The following TIGAR variants were observed in gnomAD, a reference collection of about 807,000 sequenced individuals.
TIGAR encodes the protein TP53 induced glycolysis regulatory phosphatase.
Under a neutral mutation model 17.9 loss-of-function variants are expected in TIGAR, and 7 were observed. That is an observed-to-expected ratio of 0.39 (90% CI 0.22 to 0.73). The LOEUF is 0.73. Ranked by LOEUF, TIGAR falls within the 30% of genes least tolerant of loss-of-function variation. The pLI, the probability that TIGAR is intolerant of heterozygous loss-of-function variation, is 0.42. For missense variants in TIGAR, 258 were observed against 327.4 expected (o/e 0.79, Z 1.64); for synonymous variants, 94 against 108.6 (o/e 0.87, Z 0.84).
At chr12:4,352,214 AG>A in intron 5 of TIGAR, 45 bp from the exon 6 acceptor site, 1 of 1,523,688 alleles carries the variant, frequency 6.6e-7, no homozygotes, top group South Asian at 1.2e-5. Context: ...GTTTTAAGGA[AG>A]TCATTAATGT....
At chr12:4,331,727 T>A (rs1565446583) in intron 2 of TIGAR, among the ~76,000 whole-genome samples, 1 of 152,184 alleles carries the variant, frequency 6.6e-6, no homozygotes. Context: ...AATAAAGGTT[T>A]AAAAAAAGAA....
chr12:4,324,591 C>T (rs763874137), intron 1 of TIGAR: 97 of 1,596,090 alleles, frequency 6.1e-5, no homozygotes, highest in Non-Finnish European at 7.6e-5. Flanking sequence ...TCACCACTTC[C>T]GGCTTCTCCA....
rs150458428 is a variant in TIGAR at position 4,357,524 on chromosome 12, C to A, written c.*4833C>A. 2.0e-3 allele frequency among the ~76,000 whole-genome samples: 309 copies of A among 152,242 alleles called. 2 individuals are homozygous for A. The highest frequency in any genetic ancestry group is 6.6e-3 in the African/African-American group (274 of 41,546). ...TGCTTTTTACCCCTCTTTCTTTGGG[C>A]CCCATCAATTTGGAAGTACAGCTTT... is the stretch of plus-strand genomic sequence containing the variant. On this transcript the variant is annotated 3_prime_UTR_variant, in exon 6 of 6. Transcript: ENST00000179259.
At position 4,352,986 on chromosome 12, in the gene TIGAR, T is replaced by G. The variant is rs570956808; in HGVS notation, c.*295T>G. On this transcript the variant is annotated 3_prime_UTR_variant, in exon 6 of 6. Transcript: ENST00000179259. Reference sequence around the variant, plus strand: ...ATTGAAAGTTGGGGGATTAGTAACCTTGTTACAACGGTTTCTTTTTCATTT... The same window carrying G: ...ATTGAAAGTTGGGGGATTAGTAACCGTGTTACAACGGTTTCTTTTTCATTT... 29 of 337,406 alleles carry G rather than the reference T, an allele frequency of 8.6e-5. No homozygotes were observed. The South Asian group carries it at 2.1e-3, about 24-fold the overall frequency. 20.9% of individuals were successfully genotyped at this position (337,406 alleles called of 1,614,324 possible). A position where few individuals can be genotyped will look rare whatever the true frequency, so the allele number is the denominator to read the frequency against.
chr12:4,345,736 A>G (rs1864771974), intron 3 of TIGAR, among the ~76,000 whole-genome samples: 1 of 152,246 alleles, frequency 6.6e-6, no homozygotes, highest in African/African-American at 2.4e-5. Context: ...AAGCAATGGC[A>G]ACAAAAGCCA....
Position 4,358,338 on chromosome 12 carries a change from A to T in TIGAR, c.*5647A>T, listed in dbSNP as rs1378223436. Among the ~76,000 whole-genome samples the T allele has an allele frequency of 2.6e-5, 4 of 151,938 alleles. No individual in the cohort carries two copies. The highest frequency in any genetic ancestry group is 4.4e-5 in the Non-Finnish European group (3 of 67,962). On this transcript the variant is annotated 3_prime_UTR_variant, in exon 6 of 6. Transcript: ENST00000179259. ...AATCACTGAGCTACTGTATCCTCATAGAGAATAATTACAGTAATGTGTATG... is the reference window on the plus strand; with the variant it reads ...AATCACTGAGCTACTGTATCCTCATTGAGAATAATTACAGTAATGTGTATG...
Position 4,352,156 on chromosome 12 carries a change from G to A in TIGAR, c.382-104G>A, listed in dbSNP as rs1864843383. 5 of 867,468 alleles carry A rather than the reference G, an allele frequency of 5.8e-6. No individual in the cohort carries two copies. The East Asian group carries it at 1.0e-4, about 18-fold the overall frequency. 53.7% of individuals were successfully genotyped at this position (867,468 alleles called of 1,614,324 possible). On this transcript the variant is annotated intron_variant, in intron 5 of 5. Transcript: ENST00000179259. ...ATATTCTTCTGCTTGTGTAGTACTT[G>A]GCATTCAATATTAGAAAAAAATCCA...
chr12:4,326,162 A>G (rs1290177537), intron 1 of TIGAR, among the ~76,000 whole-genome samples: 2 of 152,244 alleles, frequency 1.3e-5, no homozygotes, highest in African/African-American at 4.8e-5. Flanking sequence ...GGATTCCTGC[A>G]GAGTCAGGTT....
chr12:4,342,574 C>A (rs1001538022), intron 3 of TIGAR, among the ~76,000 whole-genome samples: 27 of 152,138 alleles, frequency 1.8e-4, no homozygotes, highest in Non-Finnish European at 3.4e-4. Context: ...AGAGTGGGGG[C>A]CAATATTCAA....
intron 2 of TIGAR, among the ~76,000 whole-genome samples, chr12:4,333,294 C>CTTTT (rs34834660): frequency 2.1e-5 from 3 of 143,010 alleles, no homozygotes; most frequent in African/African-American, 7.7e-5. Flanking sequence ...TATAAGTTGT[C>CTTTT]TTTTTTTTTT....
At chr12:4,332,897 C>G (rs1215219246) in intron 2 of TIGAR, among the ~76,000 whole-genome samples, 1 of 152,198 alleles carries the variant, frequency 6.6e-6, no homozygotes, top group Admixed American at 6.5e-5. Flanking sequence ...TCCTAAATAT[C>G]AATTTATGAG....
Position 4,337,079 on chromosome 12 carries a change from A to G in TIGAR, c.111A>G (p.Lys37=). 16 of 1,613,448 alleles carry G rather than the reference A, an allele frequency of 9.9e-6. No individual in the cohort carries two copies. Among genetic ancestry groups the G allele is most frequent in the Non-Finnish European group, 1.4e-5 (16 of 1,179,414 alleles). The change falls in exon 3 of 6, where the codon AAA becomes AAG. Residue 37 remains lysine (K), a synonymous_variant. Transcript: ENST00000179259. ...VDEPLSETGF[K]QAAAAGIFLN... The stretch of plus-strand genomic sequence containing the variant: ...AACCTCTTTCAGAAACTGGATTTAA[A>G]CAAGCAGCAGCTGCTGGTATATTTC...
chr12:4,359,491 T>C lies in TIGAR; in HGVS notation c.*6800T>C, dbSNP rs1864952288. On this transcript the variant is annotated 3_prime_UTR_variant, in exon 6 of 6. Coordinates refer to ENST00000179259, the MANE Select transcript of TIGAR (RefSeq NM_020375.3). The stretch of plus-strand genomic sequence containing the variant: ...AATGAAAGACGCCTGGTGTGCATGG[T>C]ATTTAGAAACCAAGATCTCGGTGCC... Among the ~76,000 whole-genome samples, 1 of 152,106 alleles carries C rather than the reference T, an allele frequency of 6.6e-6. No homozygotes were observed. The highest frequency in any genetic ancestry group is 2.4e-5 in the African/African-American group (1 of 41,406).
chr12:4,328,677 A>G (rs578009539), intron 1 of TIGAR, among the ~76,000 whole-genome samples: 15 of 151,638 alleles, frequency 9.9e-5, no homozygotes, highest in Admixed American at 3.3e-4. Flanking sequence ...CCCAGGTTCA[A>G]GCGATTCTTC....
chr12:4,329,421 C>T (rs1168349061), intron 1 of TIGAR, among the ~76,000 whole-genome samples: 1 of 144,646 alleles, frequency 6.9e-6, no homozygotes, highest in Non-Finnish European at 1.5e-5. Flanking sequence ...TCACTGCAAC[C>T]TCTGCCTCCC....
At chr12:4,322,442 G>C (rs184880716) in intron 1 of TIGAR, among the ~76,000 whole-genome samples, 1 of 152,216 alleles carries the variant, frequency 6.6e-6, no homozygotes, top group African/African-American at 2.4e-5. Context: ...TGGGGGACAG[G>C]TAAAGTGTAT....
chr12:4,349,701 G>A, intron 3 of TIGAR, 118 bp from the exon 4 acceptor site: 2 of 774,728 alleles, frequency 2.6e-6, no homozygotes, highest in Non-Finnish European at 4.1e-6. Context: ...ACAGGTGTGA[G>A]CCACCGTGCC....
Position 4,359,403 on chromosome 12 carries a change from C to T in TIGAR, c.*6712C>T, listed in dbSNP as rs980523537. On this transcript the variant is annotated 3_prime_UTR_variant, in exon 6 of 6. Coordinates refer to ENST00000179259, the MANE Select transcript of TIGAR (RefSeq NM_020375.3). Reference sequence around the variant, plus strand: ...ATTAACAATATGCTCCAGACTCATTCTTCCCGAGCCCCAGCCCCAGAATCA... The same window carrying T: ...ATTAACAATATGCTCCAGACTCATTTTTCCCGAGCCCCAGCCCCAGAATCA... Among the ~76,000 whole-genome samples, 2 of 152,094 alleles carry T rather than the reference C, an allele frequency of 1.3e-5. No individual in the cohort carries two copies. The highest frequency in any genetic ancestry group is 4.8e-5 in the African/African-American group (2 of 41,400).
intron 1 of TIGAR, among the ~76,000 whole-genome samples, chr12:4,326,261 G>C (rs912029336): frequency 6.6e-5 from 10 of 152,170 alleles, no homozygotes; most frequent in African/African-American, 2.4e-4. Flanking sequence ...TGACCTTTCA[G>C]CTCCGTTCAC....
Sources: allele counts gnomAD v4.1 joint callset (sites outside exome capture counted in the v4.1 genomes callset), GRCh38; gene constraint gnomAD v4.1.1; transcripts MANE v1.5; gene names NCBI Gene and HGNC (gene_info 2026-07-23, HGNC 2026-07-21).